The following BPTF variants were observed in gnomAD, a reference collection of about 807,000 sequenced individuals.
BPTF encodes nucleosome-remodeling factor subunit BPTF.
A neutral mutation model predicts 292.5 loss-of-function variants in BPTF; 18 were observed. The observed-to-expected ratio is 0.06, with a 90% CI of 0.04 to 0.09. The LOEUF (loss-of-function observed/expected upper bound fraction) is 0.09, where lower values mean the gene tolerates loss of function less well. Ranked by LOEUF, BPTF falls within the 10% of genes least tolerant of loss-of-function variation. BPTF has a pLI of 1.00. For synonymous variants in BPTF, 1,225 were observed against 1,251.9 expected, an observed-to-expected ratio of 0.98 and a Z score of 0.45; for missense variants, 2,726 against 3,498.7, an observed-to-expected ratio of 0.78 and a Z score of 5.57.
chr17:67,947,905 G>A (rs999491685), intron 22 of BPTF, 97 bp downstream of exon 22: 2 of 1,324,042 alleles, frequency 1.5e-6, no homozygotes, highest in Non-Finnish European at 2.1e-6. Flanking sequence ...CTTGATTGAA[G>A]TTCATTAAAT....
At chr17:67,902,909 G>A (rs1054983514) in intron 7 of BPTF, among the ~76,000 whole-genome samples, 1 of 152,208 alleles carries the variant, frequency 6.6e-6, no homozygotes, top group Non-Finnish European at 1.5e-5. Context: ...TTAGAGACAA[G>A]AGCTCCTTTC....
Position 67,913,248 on chromosome 17 carries a change from G to T in BPTF, c.5303+61G>T, listed in dbSNP as rs556445868. 1.2e-4 allele frequency: 183 copies of T among 1,490,624 alleles called. 1 individual carries two copies. The Admixed American group carries it at 3.3e-3, about 27-fold the overall frequency. 92.3% of individuals were successfully genotyped at this position (1,490,624 alleles called of 1,614,324 possible). A position where few individuals can be genotyped will look rare whatever the true frequency, so the allele number is the denominator to read the frequency against. On this transcript the variant is annotated intron_variant, in intron 11 of 27. Transcript: ENST00000306378. ...AATTTTAAAAAGAATTATCTCACAA[G>T]AATATCTCATTTTTAAAAAATGAGA...
At chr17:67,931,006 C>T (rs1158250125) in intron 17 of BPTF, among the ~76,000 whole-genome samples, 1 of 151,134 alleles carries the variant, frequency 6.6e-6, no homozygotes, top group Non-Finnish European at 1.5e-5. Flanking sequence ...GTGGCTCACA[C>T]CTGTAATCCC....
At chr17:67,959,485 A>T in intron 23 of BPTF, 56 bp from the exon 24 acceptor site, 1 of 1,390,070 alleles carries the variant, frequency 7.2e-7, no homozygotes, top group Non-Finnish European at 9.6e-7. Flanking sequence ...TTCTGGCCAG[A>T]TCACACATTT....
At chr17:67,899,542 T>TC (rs1456199961) in intron 7 of BPTF, among the ~76,000 whole-genome samples, 1 of 151,606 alleles carries the variant, frequency 6.6e-6, no homozygotes, top group African/African-American at 2.4e-5. Flanking sequence ...TCTTTTTTTT[T>TC]TTTTTTTGAG....
chr17:67,923,602 C>T (rs2147269503), intron 14 of BPTF, among the ~76,000 whole-genome samples: 1 of 147,904 alleles, frequency 6.8e-6, no homozygotes, highest in East Asian at 2.1e-4. Flanking sequence ...GCCTCAGCCT[C>T]CTGAGTAGCT....
rs782174622 is a variant in BPTF, at chr17:67,959,617, C to T, written c.8003C>T (p.Ala2668Val). The T allele has an allele frequency of 6.3e-7, 1 of 1,587,648 alleles. No homozygotes were observed. Among genetic ancestry groups the T allele is most frequent in the South Asian group, 1.2e-5 (1 of 86,460 alleles). The change falls in exon 24 of 28, where the codon GCA (alanine) becomes GTA (valine). Residue 2668 changes from alanine to valine, a missense_variant. Physicochemically the swap from Ala to Val is moderately conservative, Grantham distance 64 (BLOSUM62 0). Around this residue, in one of 22 missense-constraint regions of BPTF, gnomAD observed 148 missense variants for 145.5 expected, o/e 1.02. Transcript: ENST00000306378. Reference protein sequence around the residue: ...MQLAQATAVAAPCPPVTPAPP... With the variant: ...MQLAQATAVAVPCPPVTPAPP... ...TTGGCTCAGGCCACAGCAGTAGCTGCACCCTGCCCCCCAGTGACACCAGCT... is the reference window on the plus strand; with the variant it reads ...TTGGCTCAGGCCACAGCAGTAGCTGTACCCTGCCCCCCAGTGACACCAGCT...
chr17:67,843,571 A>G (rs1448249618), intron 1 of BPTF, among the ~76,000 whole-genome samples: 2 of 148,806 alleles, frequency 1.3e-5, no homozygotes, highest in African/African-American at 2.5e-5. Flanking sequence ...ATATCTAGAT[A>G]TATATACAGA....
chr17:67,859,570 T>C (rs1304955450), intron 2 of BPTF, among the ~76,000 whole-genome samples: 1 of 152,244 alleles, frequency 6.6e-6, no homozygotes, highest in African/African-American at 2.4e-5. Flanking sequence ...GGAATTTTTT[T>C]TAGAATGTGT....
rs190692658 is a variant in BPTF at position 67,854,000 on chromosome 17, C to T, written c.674C>T (p.Pro225Leu). The change falls in exon 2 of 28, where the codon CCG (proline) becomes CTG (leucine). Residue 225 changes from proline (P) to leucine (L), a missense_variant. Pro to Leu is a moderately conservative substitution (Grantham distance 98, BLOSUM62 -3). Transcript: ENST00000306378. ...RSPILEEKDIPPLEFPKSSED... is the reference protein window; with the variant it reads ...RSPILEEKDILPLEFPKSSED... ...CCTATATTGGAAGAAAAAGACATCC[C>T]GCCCCTTGAATTTCCCAAGTCCTCT... is the stretch of plus-strand genomic sequence containing the variant. The T allele has an allele frequency of 3.7e-5, 60 of 1,614,108 alleles. No individual in the cohort carries two copies. The highest frequency in any genetic ancestry group is 4.5e-5 in the East Asian group (2 of 44,876).
intron 7 of BPTF, among the ~76,000 whole-genome samples, chr17:67,895,106 T>C (rs2061353327): frequency 6.6e-6 from 1 of 152,082 alleles, no homozygotes; most frequent in Admixed American, 6.6e-5. Context: ...TTTTAAAATA[T>C]AAATACAAGC....
At chr17:67,858,688 G>T (rs59854755) in intron 2 of BPTF, among the ~76,000 whole-genome samples, 16,984 of 151,006 alleles carry the variant, frequency 0.11, 2,268 homozygotes, top group African/African-American at 0.4. Flanking sequence ...TCACGTTCAC[G>T]CAGTCTCAAG....
intron 23 of BPTF, among the ~76,000 whole-genome samples, chr17:67,954,284 C>T (rs781967040): frequency 6.6e-6 from 1 of 152,064 alleles, no homozygotes; most frequent in African/African-American, 2.4e-5. Flanking sequence ...CCTCTTGCCT[C>T]GACCTCCCAA....
chr17:67,946,051 T>A lies in BPTF; in HGVS notation c.7343T>A (p.Ile2448Asn), dbSNP rs2065788113. ...LQQQVQVLSQ[I>N]QSQVVAQIQA... ...CAACAAGTCCAGGTTCTCTCTCAGATCCAGTCACAGGTTGTGGCTCAGATA... is the reference window on the plus strand; with the variant it reads ...CAACAAGTCCAGGTTCTCTCTCAGAACCAGTCACAGGTTGTGGCTCAGATA... Residue 2448 changes from isoleucine (I) to asparagine (N), a missense_variant, in exon 21 of 28, where the codon ATC becomes AAC. Ile to Asn is a moderately radical substitution (Grantham distance 149, BLOSUM62 -3). Coordinates refer to ENST00000306378, the MANE Select transcript of BPTF (RefSeq NM_182641.4). 1 of 1,614,182 alleles carries A rather than the reference T, an allele frequency of 6.2e-7. No individual in the cohort carries two copies. The highest frequency in any genetic ancestry group is 8.5e-7 in the Non-Finnish European group (1 of 1,180,034).
intron 26 of BPTF, among the ~76,000 whole-genome samples, chr17:67,973,331 G>A (rs2069007568): frequency 2.0e-5 from 3 of 150,154 alleles, no homozygotes; most frequent in Admixed American, 1.3e-4. Context: ...CTAAGATCCC[G>A]CCACTGCACT....
intron 13 of BPTF, among the ~76,000 whole-genome samples, chr17:67,920,755 CTAATT>C (rs1413088752): frequency 3.9e-5 from 6 of 151,994 alleles, no homozygotes; most frequent in Non-Finnish European, 8.8e-5. Flanking sequence ...AAGATTAACA[CTAATT>C]TATAGATAAT....
rs180715093 is a variant in BPTF, at chr17:67,933,126, G to A, written c.6259+1107G>A. 2.3e-4 allele frequency among the ~76,000 whole-genome samples: 35 copies of A among 151,922 alleles called. 2 individuals carry two copies. The East Asian group carries it at 5.0e-3, about 22-fold the overall frequency. On this transcript the variant is annotated intron_variant, in intron 18 of 27. Transcript: ENST00000306378. ...AAATTAGCTGGGTGTGGAGGTGGGC[G>A]CCTGTAATCCCAGCTACTCTACTCG...
chr17:67,943,522 A>G (rs1427667342), intron 19 of BPTF, among the ~76,000 whole-genome samples: 1 of 152,138 alleles, frequency 6.6e-6, no homozygotes, highest in Non-Finnish European at 1.5e-5. Context: ...GATCCTCCTT[A>G]CTTGGTGTTT....
At chr17:67,889,446 T>G (rs546291396) in intron 4 of BPTF, among the ~76,000 whole-genome samples, 46 of 152,310 alleles carry the variant, frequency 3.0e-4, no homozygotes, top group African/African-American at 1.0e-3. Flanking sequence ...CTAAAAAGTA[T>G]CTATTACAGG....
Sources: allele counts gnomAD v4.1 joint callset (sites outside exome capture counted in the v4.1 genomes callset), GRCh38; gene constraint gnomAD v4.1.1; regional missense constraint gnomAD v4.1.1; transcripts MANE v1.5; gene names NCBI Gene and HGNC (gene_info 2026-07-23, HGNC 2026-07-21).